Variants in RABGAP1 observed in about 807,000 individuals in gnomAD.
RABGAP1 encodes RAB GTPase activating protein 1, also known as rab GTPase-activating protein 1.
In RABGAP1, 23 loss-of-function variants were observed where a neutral mutation model predicts 137.6. The observed-to-expected ratio is 0.17, with a 90% confidence interval of 0.12 to 0.24. The LOEUF (loss-of-function observed/expected upper bound fraction) is 0.24, where lower values mean the gene tolerates loss of function less well. Among genes scored for constraint, RABGAP1 ranks in the 10% least tolerant of loss-of-function variants. The pLI is 1.00. For missense variants in RABGAP1, 906 were observed against 1,275.8 expected (o/e 0.71, Z 4.42); for synonymous variants, 451 against 450.7 (o/e 1.00, Z -0.01).
intron 13 of RABGAP1, among the ~76,000 whole-genome samples, chr9:123,056,953 C>A (rs541601946): frequency 7.9e-5 from 12 of 152,362 alleles, no homozygotes; most frequent in Admixed American, 4.6e-4. Context: ...CACAAAACCG[C>A]CATTGTCATC....
At chr9:123,056,878 T>C (rs1483912734) in intron 13 of RABGAP1, among the ~76,000 whole-genome samples, 2 of 152,210 alleles carry the variant, frequency 1.3e-5, no homozygotes, top group African/African-American at 2.4e-5. Flanking sequence ...ATGTCTACTT[T>C]CTACACAGAC....
intron 13 of RABGAP1, among the ~76,000 whole-genome samples, chr9:123,039,967 G>T (rs1042569694): frequency 2.6e-5 from 4 of 151,862 alleles, no homozygotes; most frequent in Admixed American, 6.6e-5. Context: ...ACTGCCATAG[G>T]GTATGGAAAA....
Position 122,986,363 on chromosome 9 carries a change from T to C in RABGAP1, c.534T>C (p.Cys178=), listed in dbSNP as rs879390524. ...LRMMSILRSQ[C]QISLDVTLSV... Reference sequence around the variant, plus strand: ...TGATGTCCATCTTAAGAAGCCAGTGTCAGATTTCACTAGATGTTACCCTTT... The same window carrying C: ...TGATGTCCATCTTAAGAAGCCAGTGCCAGATTTCACTAGATGTTACCCTTT... Residue 178 remains cysteine (C), a synonymous_variant, in exon 4 of 26, where the codon TGT becomes TGC. Transcript: ENST00000373647. 4.3e-6 allele frequency: 7 copies of C among 1,614,040 alleles called. No homozygotes were observed. Among genetic ancestry groups the C allele is most frequent in the Non-Finnish European group, 5.9e-6 (7 of 1,180,016 alleles).
intron 10 of RABGAP1, among the ~76,000 whole-genome samples, chr9:123,009,791 TGACCCCACCCCAACTCCAA>T (rs2030635231): frequency 6.8e-6 from 1 of 146,672 alleles, no homozygotes; most frequent in South Asian, 2.1e-4. Context: ...CACCTCCCCC[TGACCCCACCCCAACTCCAA>T]GTTGTAGCTT....
chr9:122,942,844 ATAAT>A (rs1833678357), intron 1 of RABGAP1, among the ~76,000 whole-genome samples: 2 of 151,996 alleles, frequency 1.3e-5, no homozygotes. Context: ...ACTCAGATTC[ATAAT>A]TAAAGTTGAA....
Position 122,942,669 on chromosome 9 carries a change from C to CAAAAAAAAAAAAAAA in RABGAP1, c.-50+1581_-50+1595dup, listed in dbSNP as rs10660327. On this transcript the variant is annotated intron_variant, in intron 1 of 25. Coordinates refer to ENST00000373647, the MANE Select transcript of RABGAP1 (RefSeq NM_012197.4). Reference sequence around the variant, plus strand: ...TGAGCAACAGAGCGAGACTCCGTCTCAAAAAAAAAAAAAAAAAAACACAAA... The same window carrying CAAAAAAAAAAAAAAA: ...TGAGCAACAGAGCGAGACTCCGTCTCAAAAAAAAAAAAAAAAAAAAAAAAAAAAAAAAAACACAAA... 1.7e-4 allele frequency among the ~76,000 whole-genome samples: 15 copies of CAAAAAAAAAAAAAAA among 90,330 alleles called. 1 individual carries two copies. Among genetic ancestry groups the CAAAAAAAAAAAAAAA allele is most frequent in the East Asian group, 3.1e-4 (1 of 3,184 alleles). The allele number at this position is 90,330 out of a possible 152,430, so 59.3% of individuals were successfully genotyped here. A position where few individuals can be genotyped will look rare whatever the true frequency, so the allele number is the denominator to read the frequency against.
At chr9:122,956,965 C>G (rs1395782073) in intron 1 of RABGAP1, 46 bp from the exon 2 acceptor site, 1 of 1,027,610 alleles carries the variant, frequency 9.7e-7, no homozygotes, top group Non-Finnish European at 1.3e-6. Context: ...AATTGAATAT[C>G]TGGCAGACAT....
upstream of RABGAP1, chr9:122,939,555 G>A (rs946839011): frequency 1.3e-5 from 2 of 152,102 alleles, no homozygotes; most frequent in Non-Finnish European, 2.9e-5. Flanking sequence ...TCCAAAGCAT[G>A]TTGTACTGAT....
intron 19 of RABGAP1, among the ~76,000 whole-genome samples, chr9:123,077,161 T>G (rs1028793295): frequency 2.8e-5 from 2 of 70,976 alleles, no homozygotes; most frequent in African/African-American, 7.1e-5. Flanking sequence ...GTTTTTTGTT[T>G]TTGTTTTTTT....
chr9:122,991,740 C>G (rs964751667), intron 6 of RABGAP1, among the ~76,000 whole-genome samples: 1 of 151,430 alleles, frequency 6.6e-6, no homozygotes. Context: ...GTAGCTGGGA[C>G]CACGGATGCA....
At position 122,968,867 on chromosome 9, in the gene RABGAP1, G is replaced by C. The variant is rs1835318668; in HGVS notation, c.150+11658G>C. 1.3e-5 allele frequency among the ~76,000 whole-genome samples: 2 copies of C among 152,088 alleles called. 1 individual carries two copies. Among genetic ancestry groups the C allele is most frequent in the Admixed American group, 1.3e-4 (2 of 15,270 alleles). On this transcript the variant is annotated intron_variant, in intron 2 of 25. Coordinates refer to ENST00000373647, the MANE Select transcript of RABGAP1 (RefSeq NM_012197.4). ...TGACCTCAGATGATCCACCTGCCTT[G>C]GCCTCCCAGAGTGCTAGGATTACAG...
At chr9:122,979,469 T>C (rs983602679) in intron 2 of RABGAP1, among the ~76,000 whole-genome samples, 1 of 152,196 alleles carries the variant, frequency 6.6e-6, no homozygotes, top group Non-Finnish European at 1.5e-5. Flanking sequence ...CAGAACTTTT[T>C]AATTTTAATT....
chr9:122,973,841 C>T (rs1835608484), intron 2 of RABGAP1, among the ~76,000 whole-genome samples: 4 of 151,910 alleles, frequency 2.6e-5, no homozygotes, highest in Admixed American at 2.6e-4. Flanking sequence ...AAAACCCCAT[C>T]TCTACTAAAA....
chr9:122,998,280 A>C lies in RABGAP1; in HGVS notation c.1205-317A>C, dbSNP rs557554621. On this transcript the variant is annotated intron_variant, in intron 9 of 25. Coordinates refer to ENST00000373647, the MANE Select transcript of RABGAP1 (RefSeq NM_012197.4). ...ATACCTGGCTAATTTTTGTATTTTT[A>C]GTAGAGACAAGGTTTCACCATGTTG... 5.9e-5 allele frequency among the ~76,000 whole-genome samples: 9 copies of C among 152,130 alleles called. No homozygotes were observed. The East Asian group carries it at 1.5e-3, about 26-fold the overall frequency.
chr9:123,052,351 T>C (rs1266830106), intron 13 of RABGAP1, among the ~76,000 whole-genome samples: 2 of 152,212 alleles, frequency 1.3e-5, no homozygotes, highest in African/African-American at 2.4e-5. Context: ...CTACATGTTG[T>C]TACTTAAATA....
intron 1 of RABGAP1, among the ~76,000 whole-genome samples, chr9:122,950,377 CTTTTT>C (rs200424486): frequency 1.8e-3 from 137 of 74,504 alleles, no homozygotes; most frequent in South Asian, 8.8e-3. Context: ...CTTTTTCTTT[CTTTTT>C]TTTTTTTTTT....
At chr9:122,965,464 A>G (rs1588179448) in intron 2 of RABGAP1, among the ~76,000 whole-genome samples, 1 of 152,052 alleles carries the variant, frequency 6.6e-6, no homozygotes, top group South Asian at 2.1e-4. Flanking sequence ...ACCCACTTCA[A>G]CCTCCGCCTC....
intron 1 of RABGAP1, among the ~76,000 whole-genome samples, chr9:122,942,283 C>G (rs1833625063): frequency 6.6e-6 from 1 of 152,152 alleles, no homozygotes; most frequent in Non-Finnish European, 1.5e-5. Context: ...GAGGGTTCAT[C>G]CAACTTTTTT....
intron 2 of RABGAP1, among the ~76,000 whole-genome samples, chr9:122,969,332 C>G (rs950194708): frequency 4.6e-5 from 7 of 152,222 alleles, no homozygotes; most frequent in Non-Finnish European, 1.0e-4. Flanking sequence ...AACTGCCCAA[C>G]AGGCATTTCT....
Sources: gnomAD v4.1 joint callset for allele counts (sites outside exome capture counted in the v4.1 genomes callset) on GRCh38, gnomAD v4.1.1 for gene constraint, MANE v1.5 for transcripts, NCBI Gene and HGNC (gene_info 2026-07-23, HGNC 2026-07-21) for gene names.